Variants in MOB3B observed in about 807,000 individuals in gnomAD.
The protein encoded by MOB3B is MOB kinase activator-like 2B.
A neutral mutation model predicts 18.7 loss-of-function variants in MOB3B; 7 were observed. The ratio of observed to expected loss-of-function variants is 0.37; its 90% CI spans 0.21 to 0.70. The LOEUF (loss-of-function observed/expected upper bound fraction) is 0.70. MOB3B is among the 30% of genes least tolerant of loss of function. The pLI, the probability that MOB3B is intolerant of heterozygous loss-of-function variation, is 0.52. For missense variants in MOB3B, 253 were observed against 281.3 expected, an observed-to-expected ratio of 0.90 and a Z score of 0.72; for synonymous variants, 111 against 99.9, an observed-to-expected ratio of 1.11 and a Z score of -0.66.
At chr9:27,415,803 T>C (rs1563863187) in intron 2 of MOB3B, among the ~76,000 whole-genome samples, 2 of 152,214 alleles carry the variant, frequency 1.3e-5, no homozygotes, top group South Asian at 4.1e-4. Context: ...AGTGTCCCCT[T>C]AACTGAAGAG....
At chr9:27,440,192 A>G (rs1822571622) in intron 2 of MOB3B, among the ~76,000 whole-genome samples, 1 of 152,222 alleles carries the variant, frequency 6.6e-6, no homozygotes, top group Non-Finnish European at 1.5e-5. Context: ...AGTGGGCAAT[A>G]CATATCTGCC....
intron 2 of MOB3B, among the ~76,000 whole-genome samples, chr9:27,417,337 T>C (rs747352051): frequency 6.6e-6 from 1 of 152,198 alleles, no homozygotes; most frequent in African/African-American, 2.4e-5. Flanking sequence ...GTACTCCAGC[T>C]TGGGCGACAG....
chr9:27,365,739 T>C (rs1206068097), intron 2 of MOB3B, among the ~76,000 whole-genome samples: 1 of 152,136 alleles, frequency 6.6e-6, no homozygotes, highest in African/African-American at 2.4e-5. Flanking sequence ...ATTGAGAAAG[T>C]GTTCAGACTA....
At chr9:27,492,505 A>C (rs2253280) in intron 1 of MOB3B, among the ~76,000 whole-genome samples, 1 of 152,144 alleles carries the variant, frequency 6.6e-6, no homozygotes, top group Non-Finnish European at 1.5e-5. Flanking sequence ...GACTCTCAAG[A>C]TGAGGTCTAC....
intron 1 of MOB3B, among the ~76,000 whole-genome samples, chr9:27,478,912 AAAGATAAATT>A (rs1363711361): frequency 6.6e-6 from 1 of 152,092 alleles, no homozygotes; most frequent in Non-Finnish European, 1.5e-5. Context: ...CCAGAGAGAA[AAAGATAAATT>A]ACAAACTTAA....
chr9:27,425,384 A>AG (rs1554648730), intron 2 of MOB3B, among the ~76,000 whole-genome samples: 26 of 134,664 alleles, frequency 1.9e-4, no homozygotes, highest in African/African-American at 7.1e-4. Flanking sequence ...AAAAAAAAAA[A>AG]AAAAACAAAA....
At chr9:27,487,593 G>A (rs560057232) in intron 1 of MOB3B, among the ~76,000 whole-genome samples, 1 of 152,100 alleles carries the variant, frequency 6.6e-6, no homozygotes, top group Admixed American at 6.6e-5. Flanking sequence ...TGTACCACGA[G>A]TAATAAACTA....
chr9:27,334,214 G>C (rs4879395), intron 3 of MOB3B, among the ~76,000 whole-genome samples: 149,703 of 152,356 alleles, frequency 0.98, 73,581 homozygotes, highest in East Asian at 1. Flanking sequence ...AAAATATAAA[G>C]AAAAATATGG....
intron 2 of MOB3B, among the ~76,000 whole-genome samples, chr9:27,440,766 G>A (rs1029489004): frequency 6.6e-6 from 1 of 151,458 alleles, no homozygotes; most frequent in Non-Finnish European, 1.5e-5. Flanking sequence ...TCTTTCCTTT[G>A]GTGCTCCCAA....
intron 1 of MOB3B, among the ~76,000 whole-genome samples, chr9:27,496,432 C>A (rs1172082175): frequency 6.6e-6 from 1 of 152,200 alleles, no homozygotes; most frequent in African/African-American, 2.4e-5. Context: ...CAGTTCAGGG[C>A]CTGCCTTCCT....
chr9:27,374,662 C>G (rs1296111164), intron 2 of MOB3B, among the ~76,000 whole-genome samples: 1 of 152,126 alleles, frequency 6.6e-6, no homozygotes, highest in Non-Finnish European at 1.5e-5. Flanking sequence ...AGTCAGCCCA[C>G]AGGACTGTCT....
At chr9:27,496,101 CA>C (rs893477773) in intron 1 of MOB3B, among the ~76,000 whole-genome samples, 2 of 152,054 alleles carry the variant, frequency 1.3e-5, no homozygotes, top group Non-Finnish European at 2.9e-5. Context: ...TAAAAACGAG[CA>C]AAAAAACTCT....
chr9:27,377,093 G>T (rs1244430810), intron 2 of MOB3B, among the ~76,000 whole-genome samples: 1 of 152,230 alleles, frequency 6.6e-6, no homozygotes, highest in East Asian at 1.9e-4. Flanking sequence ...TTGTTGGGCT[G>T]TTGTGAGGAT....
At chr9:27,352,647 C>A (rs1046044339) in intron 3 of MOB3B, among the ~76,000 whole-genome samples, 1 of 152,074 alleles carries the variant, frequency 6.6e-6, no homozygotes, top group African/African-American at 2.4e-5. Flanking sequence ...CCTCTCCATG[C>A]GGCAGTGGTG....
rs1338116205 is a variant in MOB3B at position 27,357,149 on chromosome 9, T to TGG, written c.621+1884_621+1885insCC. 8.5e-3 allele frequency among the ~76,000 whole-genome samples: 375 copies of TGG among 44,372 alleles called. 23 individuals carry two copies. Among genetic ancestry groups the TGG allele is most frequent in the African/African-American group, 0.025 (336 of 13,244 alleles). The allele number at this position is 44,372 out of a possible 152,430, so 29.1% of individuals were successfully genotyped here. Reference sequence around the variant, plus strand: ...ATATATATATATATATATATATGTGTTTTTTTTTTTGCCATATATTCTCAC... The same window carrying TGG: ...ATATATATATATATATATATATGTGTGGTTTTTTTTTTGCCATATATTCTCAC... On this transcript the variant is annotated intron_variant, in intron 3 of 3. Coordinates refer to ENST00000262244, the MANE Select transcript of MOB3B (RefSeq NM_024761.5).
In MOB3B at chr9:27,347,436, C is replaced by T. The variant is rs751352232; in HGVS notation, c.621+11598G>A. Among the ~76,000 whole-genome samples the T allele has an allele frequency of 7.2e-5, 11 of 152,370 alleles. No individual in the cohort carries two copies. The East Asian group carries it at 1.3e-3, about 19-fold the overall frequency. ...TCAGCACCCAGCCATGTTCCTGGAACGTAGCGCCCTGGTGATACTGGGGTT... is the reference window on the plus strand; with the variant it reads ...TCAGCACCCAGCCATGTTCCTGGAATGTAGCGCCCTGGTGATACTGGGGTT... On this transcript the variant is annotated intron_variant, in intron 3 of 3. Coordinates refer to ENST00000262244, the MANE Select transcript of MOB3B (RefSeq NM_024761.5).
intron 1 of MOB3B, among the ~76,000 whole-genome samples, chr9:27,506,445 T>A (rs908003449): frequency 1.4e-4 from 22 of 152,210 alleles, no homozygotes; most frequent in Admixed American, 4.6e-4. Context: ...CCATTTTTCA[T>A]CATCACAATA....
rs114500268 is a variant in MOB3B at position 27,392,539 on chromosome 9, A to G, written c.419-33303T>C. Among the ~76,000 whole-genome samples the G allele has an allele frequency of 4.7e-3, 716 of 152,264 alleles. 5 individuals are homozygous for G. Among genetic ancestry groups the G allele is most frequent in the African/African-American group, 0.016 (676 of 41,546 alleles). On this transcript the variant is annotated intron_variant, in intron 2 of 3. Transcript: ENST00000262244. ...CACTAACTCTCACTCATTTCATAAA[A>G]GGGCATTTTTGCACCACAAAAGAAA... is the stretch of plus-strand genomic sequence containing the variant.
At chr9:27,483,267 G>T (rs957307109) in intron 1 of MOB3B, among the ~76,000 whole-genome samples, 10 of 151,368 alleles carry the variant, frequency 6.6e-5, no homozygotes, top group African/African-American at 1.9e-4. Flanking sequence ...CGAGTAGCTG[G>T]GACTACAGGC....
Sources: gnomAD v4.1 joint callset for allele counts (sites outside exome capture counted in the v4.1 genomes callset) on GRCh38, gnomAD v4.1.1 for gene constraint, MANE v1.5 for transcripts, NCBI Gene and HGNC (gene_info 2026-07-23, HGNC 2026-07-21) for gene names.